The following ABRAXAS1 variants were observed in gnomAD, a reference collection of about 807,000 sequenced individuals.
ABRAXAS1 encodes the protein abraxas 1, BRCA1 A complex subunit.
In ABRAXAS1, 26 loss-of-function variants were observed where a neutral mutation model predicts 38.4. The ratio of observed to expected loss-of-function variants is 0.68; its 90% CI spans 0.50 to 0.94. The LOEUF is 0.94. Ranked by LOEUF, ABRAXAS1 falls within the 40% of genes least tolerant of loss-of-function variation. The pLI, the probability that ABRAXAS1 is intolerant of heterozygous loss-of-function variation, is 0.00. For synonymous variants in ABRAXAS1, 144 were observed against 165.5 expected, an observed-to-expected ratio of 0.87 and a Z score of 1.00; for missense variants, 438 against 481.9, an observed-to-expected ratio of 0.91 and a Z score of 0.85.
chr4:83,474,141 T>TA (rs894721117), intron 3 of ABRAXAS1, among the ~76,000 whole-genome samples: 3 of 95,500 alleles, frequency 3.1e-5, no homozygotes, highest in African/African-American at 1.0e-4. Context: ...AGACCTTGTC[T>TA]AAAAAATAAA....
At chr4:83,476,790 C>G (rs145707365) in intron 2 of ABRAXAS1, 111 bp from the exon 3 acceptor site, 4 of 654,122 alleles carry the variant, frequency 6.1e-6, no homozygotes, top group Non-Finnish European at 1.1e-5. Context: ...CACTGATTAT[C>G]TGATTTTTAT....
At chr4:83,481,996 C>G (rs1041705304) in intron 2 of ABRAXAS1, among the ~76,000 whole-genome samples, 158 bp downstream of exon 2, 1 of 152,272 alleles carries the variant, frequency 6.6e-6, no homozygotes, top group East Asian at 1.9e-4. Flanking sequence ...TAATCCGCCT[C>G]GGCCTCCCAA....
chr4:83,469,286 C>A, intron 5 of ABRAXAS1, 135 bp from the exon 6 acceptor site: 1 of 698,764 alleles, frequency 1.4e-6, no homozygotes, highest in Non-Finnish European at 2.4e-6. Flanking sequence ...ACTACTTATC[C>A]AAAATAGAAT....
chr4:83,478,004 G>A (rs561544026), intron 2 of ABRAXAS1: 9 of 966,596 alleles, frequency 9.3e-6, no homozygotes, highest in Admixed American at 3.5e-5. Context: ...CAGCTTCATC[G>A]ATATATACCA....
Position 83,462,817 on chromosome 4 carries a change from AAGAAATTCAG to A in ABRAXAS1, c.872_881del (p.Ser291PhefsTer8), listed in dbSNP as rs1722185367. The A allele has an allele frequency of 1.9e-6, 3 of 1,611,828 alleles. No individual in the cohort carries two copies. In the African/African-American group the frequency reaches 4.0e-5, roughly 22 times the overall value. On this transcript the variant is annotated frameshift_variant, in exon 9 of 9. Transcript: ENST00000321945. LOFTEE classifies it low-confidence loss of function (END_TRUNC). ...TTTTTAAAGACATAACACATGAATG[AAGAAATTCAG>A]AATTTGGAAAAAAGGTCCGTAATGC...
In ABRAXAS1 at chr4:83,482,212, T is replaced by C. The variant is rs1247440748; in HGVS notation, c.120A>G (p.Glu40=). 1 of 1,612,298 alleles carries C rather than the reference T, an allele frequency of 6.2e-7. No homozygotes were observed. The highest frequency in any genetic ancestry group is 1.3e-5 in the African/African-American group (1 of 74,876). Residue 40 remains glutamate (E), a synonymous_variant, in exon 2 of 9, where the codon GAA becomes GAG. Coordinates refer to ENST00000321945, the MANE Select transcript of ABRAXAS1 (RefSeq NM_139076.3). ...EGFLLGEVKG[E]AKNSITDSQM... Reference sequence around the variant, plus strand: ...GGGAATCAGTAATGCTGTTCTTGGCTTCACCTTTTACTTCCCCAAGAAGAA... The same window carrying C: ...GGGAATCAGTAATGCTGTTCTTGGCCTCACCTTTTACTTCCCCAAGAAGAA...
intron 8 of ABRAXAS1, 46 bp from the exon 9 acceptor site, chr4:83,462,948 A>G: frequency 7.7e-7 from 1 of 1,305,190 alleles, no homozygotes; most frequent in Non-Finnish European, 1.0e-6. Flanking sequence ...TTTCTTCTAC[A>G]AAGCTTTTAT....
In ABRAXAS1 at chr4:83,464,111, C is replaced by T. The variant is rs1459538649; in HGVS notation, c.682-503G>A. On this transcript the variant is annotated intron_variant, in intron 7 of 8. Coordinates refer to ENST00000321945, the MANE Select transcript of ABRAXAS1 (RefSeq NM_139076.3). Reference sequence around the variant, plus strand: ...CTGAGGCAGGTGAATCGCTTGAACCCAGGAAGCAGAGGTTGCAGTGAGCCA... The same window carrying T: ...CTGAGGCAGGTGAATCGCTTGAACCTAGGAAGCAGAGGTTGCAGTGAGCCA... Among the ~76,000 whole-genome samples the T allele has an allele frequency of 4.6e-5, 7 of 152,104 alleles. 1 individual carries two copies. Among genetic ancestry groups the T allele is most frequent in the Non-Finnish European group, 1.5e-5 (1 of 68,014 alleles).
Position 83,460,859 on chromosome 4 carries a change from G to C in ABRAXAS1, c.*1610C>G, listed in dbSNP as rs764957517. The C allele has an allele frequency of 1.3e-4, 113 of 838,058 alleles. No homozygotes were observed. The highest frequency in any genetic ancestry group is 2.0e-4 in the Non-Finnish European group (103 of 520,072). 51.9% of individuals were successfully genotyped at this position (838,058 alleles called of 1,614,324 possible). A position where few individuals can be genotyped will look rare whatever the true frequency, so the allele number is the denominator to read the frequency against. On this transcript the variant is annotated 3_prime_UTR_variant, in exon 9 of 9. Transcript: ENST00000321945. Reference sequence around the variant, plus strand: ...TGGCGGAGGTTGCAGTGAGGCGAGAGAGCACCACTGTACTCCAGCCTGGGT... The same window carrying C: ...TGGCGGAGGTTGCAGTGAGGCGAGACAGCACCACTGTACTCCAGCCTGGGT...
rs1277915463 is a variant in ABRAXAS1, at chr4:83,460,031, T to C, written c.*2438A>G. On this transcript the variant is annotated 3_prime_UTR_variant, in exon 9 of 9. Coordinates refer to ENST00000321945, the MANE Select transcript of ABRAXAS1 (RefSeq NM_139076.3). The stretch of plus-strand genomic sequence containing the variant: ...AAAACTGGGCTTTAAAAAACTGTTG[T>C]TGATGTTTTGGAATATACTATAATC... 3 of 373,996 alleles carry C rather than the reference T, an allele frequency of 8.0e-6. No homozygotes were observed. The highest frequency in any genetic ancestry group is 1.4e-5 in the Non-Finnish European group (3 of 210,168). 23.2% of individuals were successfully genotyped at this position (373,996 alleles called of 1,614,324 possible). A position where few individuals can be genotyped will look rare whatever the true frequency, so the allele number is the denominator to read the frequency against.
chr4:83,464,682 C>T (rs1560571944), intron 7 of ABRAXAS1, among the ~76,000 whole-genome samples: 1 of 152,176 alleles, frequency 6.6e-6, no homozygotes, highest in East Asian at 1.9e-4. Context: ...CTGACCCAAA[C>T]AGAACCAATG....
chr4:83,463,465 CAG>C, intron 8 of ABRAXAS1, 27 bp downstream of exon 8: 1 of 1,451,368 alleles, frequency 6.9e-7, no homozygotes, highest in South Asian at 1.2e-5. Context: ...ATTTTTAGCA[CAG>C]AAAGTAGAGA....
chr4:83,462,967 A>G, intron 8 of ABRAXAS1, 65 bp from the exon 9 acceptor site: 1 of 1,107,798 alleles, frequency 9.0e-7, no homozygotes, highest in Non-Finnish European at 1.3e-6. Flanking sequence ...ATAATTAACT[A>G]TTTGTAAGTA....
chr4:83,477,843 C>G (rs1722838732), intron 2 of ABRAXAS1: 1 of 773,484 alleles, frequency 1.3e-6, no homozygotes, highest in Admixed American at 1.8e-5. Flanking sequence ...AAGCAATTAT[C>G]TGTAGAACGT....
chr4:83,464,218 A>G (rs1360086833), intron 7 of ABRAXAS1, among the ~76,000 whole-genome samples: 1 of 152,046 alleles, frequency 6.6e-6, no homozygotes, highest in Non-Finnish European at 1.5e-5. Context: ...CTTTGAAACA[A>G]AAAAAATACA....
At position 83,461,023 on chromosome 4, in the gene ABRAXAS1, C is replaced by A. The variant is rs1302593673; in HGVS notation, c.*1446G>T. 3 of 1,612,336 alleles carry A rather than the reference C, an allele frequency of 1.9e-6. No individual in the cohort carries two copies. The highest frequency in any genetic ancestry group is 1.7e-5 in the Admixed American group (1 of 59,648). On this transcript the variant is annotated 3_prime_UTR_variant, in exon 9 of 9. Coordinates refer to ENST00000321945, the MANE Select transcript of ABRAXAS1 (RefSeq NM_139076.3). ...AATCACAAAAGCAATTAAGAGAGCT[C>A]AAATAATGGGTAAGAAAGAATACCT...
At chr4:83,468,275 G>A (rs952980766) in intron 6 of ABRAXAS1, among the ~76,000 whole-genome samples, 9 of 150,148 alleles carry the variant, frequency 6.0e-5, no homozygotes, top group African/African-American at 1.2e-4. Flanking sequence ...ATTACACCCC[G>A]GCCTGGACAA....
At chr4:83,484,839 G>T (rs373142594) in intron 1 of ABRAXAS1, 147 bp downstream of exon 1, 8 of 572,640 alleles carry the variant, frequency 1.4e-5, no homozygotes, top group African/African-American at 1.4e-4. Flanking sequence ...GGACCGCTGA[G>T]GGGGAGAGAA....
chr4:83,479,010 C>T (rs1722884405), intron 2 of ABRAXAS1: 1 of 152,156 alleles, frequency 6.6e-6, no homozygotes, highest in Non-Finnish European at 1.5e-5. Context: ...CAAAAAAATA[C>T]TTAACCTCTT....
Sources: gnomAD v4.1 joint callset for allele counts (sites outside exome capture counted in the v4.1 genomes callset) on GRCh38, gnomAD v4.1.1 for gene constraint, MANE v1.5 for transcripts, NCBI Gene and HGNC (gene_info 2026-07-23, HGNC 2026-07-21) for gene names.